Variants in OPCML observed in about 807,000 individuals in gnomAD.
OPCML encodes opioid binding protein/cell adhesion molecule like, also known as opioid-binding protein/cell adhesion molecule.
A neutral mutation model predicts 37.8 loss-of-function variants in OPCML; 13 were observed. The ratio of observed to expected loss-of-function variants is 0.34; its 90% CI spans 0.22 to 0.55. OPCML has a LOEUF of 0.55. Ranked by LOEUF, OPCML falls within the 20% of genes least tolerant of loss-of-function variation. The pLI, the probability that OPCML is intolerant of heterozygous loss-of-function variation, is 0.91. For missense variants in OPCML, 341 were observed against 435.6 expected, an observed-to-expected ratio of 0.78 and a Z score of 1.93; for synonymous variants, 176 against 168.8, an observed-to-expected ratio of 1.04 and a Z score of -0.33.
In OPCML at chr11:133,280,131, G is replaced by A. The variant is rs377333506; in HGVS notation, c.61+252133C>T. On this transcript the variant is annotated intron_variant, in intron 1 of 7. Transcript: ENST00000524381. ...TTCTCAATGAGTTTATAATCATCAG[G>A]CAAAATAGTTGTACCCTCCTAGATT... Among the ~76,000 whole-genome samples the A allele has an allele frequency of 3.3e-5, 5 of 152,260 alleles. 1 individual carries two copies. The highest frequency in any genetic ancestry group is 1.2e-4 in the African/African-American group (5 of 41,542).
chr11:133,285,272 G>T (rs1454398408), intron 1 of OPCML, among the ~76,000 whole-genome samples: 1 of 152,144 alleles, frequency 6.6e-6, no homozygotes, highest in Admixed American at 6.6e-5. Flanking sequence ...AGGCACGAAG[G>T]GTCACACGTG....
At chr11:133,093,670 A>T (rs991639422) in intron 1 of OPCML, among the ~76,000 whole-genome samples, 1 of 152,206 alleles carries the variant, frequency 6.6e-6, no homozygotes, top group Non-Finnish European at 1.5e-5. Flanking sequence ...GCTTAGAACA[A>T]TACAGGTTCA....
At chr11:133,367,302 G>T (rs979456965) in intron 1 of OPCML, among the ~76,000 whole-genome samples, 2 of 152,216 alleles carry the variant, frequency 1.3e-5, no homozygotes, top group Non-Finnish European at 2.9e-5. Flanking sequence ...GGCTCTTCAG[G>T]TCGCTAAAGA....
chr11:132,657,091 C>A lies in OPCML; in HGVS notation c.375G>T (p.Val125=), dbSNP rs1389258561. Residue 125 remains valine (V), a synonymous_variant, in exon 3 of 8, where the codon GTG becomes GTT. Transcript: ENST00000524381. ...CCAGATCCAGCTGGGACTTACCTTG[C>A]ACTATTAGGTGAACCCGGGACGTTT... is the stretch of plus-strand genomic sequence containing the variant. ...HPKTSRVHLI[V]QVPPQIMNIS... is the part of the protein sequence containing the mutation. 5 of 1,613,952 alleles carry A rather than the reference C, an allele frequency of 3.1e-6. No homozygotes were observed. Among genetic ancestry groups the A allele is most frequent in the Admixed American group, 3.3e-5 (2 of 60,030 alleles).
Position 132,943,881 on chromosome 11 carries a change from C to T in OPCML, c.62-871G>A, listed in dbSNP as rs1418972850. 2.0e-5 allele frequency: 3 copies of T among 151,504 alleles called. No individual in the cohort carries two copies. The highest frequency in any genetic ancestry group is 1.9e-4 in the East Asian group (1 of 5,144). The allele number at this position is 151,504 out of a possible 1,614,324, so 9.4% of individuals were successfully genotyped here. On this transcript the variant is annotated intron_variant, in intron 1 of 7. Coordinates refer to ENST00000524381, the MANE Select transcript of OPCML (RefSeq NM_001012393.5). This position sits in a 1 kb window ranked among gnomAD's most constrained non-coding sequence, Gnocchi z 4.3. ...ACGCTCAGCGGCCGCCCCCGGCCTC[C>T]GCGCCGCCTTCCTCCCGGGAGCAGC... is the stretch of plus-strand genomic sequence containing the variant.
intron 3 of OPCML, among the ~76,000 whole-genome samples, chr11:132,560,030 C>G (rs1268281410): frequency 6.6e-6 from 1 of 152,158 alleles, no homozygotes; most frequent in Admixed American, 6.5e-5. Flanking sequence ...TAGTCATTTC[C>G]CACAAATTAT....
chr11:133,431,015 A>C (rs1946104501), intron 1 of OPCML, among the ~76,000 whole-genome samples: 1 of 152,218 alleles, frequency 6.6e-6, no homozygotes, highest in South Asian at 2.1e-4. Context: ...ATTTTCATTA[A>C]GAATATGATA....
intron 7 of OPCML, among the ~76,000 whole-genome samples, chr11:132,433,839 G>C (rs1170499472): frequency 6.6e-6 from 1 of 152,220 alleles, no homozygotes; most frequent in Non-Finnish European, 1.5e-5. Context: ...AGCCCTCACA[G>C]GAACCACCTT....
intron 1 of OPCML, among the ~76,000 whole-genome samples, chr11:133,239,507 G>C (rs769756514): frequency 1.1e-4 from 17 of 152,214 alleles, no homozygotes; most frequent in Non-Finnish European, 2.1e-4. Flanking sequence ...CTGCAGCCAG[G>C]GCCTCAGCCC....
At chr11:133,166,786 T>C (rs1481124789) in intron 1 of OPCML, among the ~76,000 whole-genome samples, 2 of 152,196 alleles carry the variant, frequency 1.3e-5, no homozygotes, top group African/African-American at 4.8e-5. Flanking sequence ...TGAAACAGAT[T>C]AAACTCATTT....
Position 133,439,264 on chromosome 11 carries a change from C to T in OPCML, c.61+93000G>A, listed in dbSNP as rs974700932. ...CACAATTGAGTTGAAGCACTGGACT[C>T]CCTGTTGGTGTCCAGAGAGTAAAAG... On this transcript the variant is annotated intron_variant, in intron 1 of 7. Transcript: ENST00000524381. 4.1e-6 allele frequency: 4 copies of T among 983,146 alleles called. No individual in the cohort carries two copies. The African/African-American group carries it at 7.1e-5, about 17-fold the overall frequency. The allele number at this position is 983,146 out of a possible 1,614,324, so 60.9% of individuals were successfully genotyped here.
At chr11:133,217,353 T>C (rs1435649984) in intron 1 of OPCML, among the ~76,000 whole-genome samples, 1 of 152,244 alleles carries the variant, frequency 6.6e-6, no homozygotes, top group African/African-American at 2.4e-5. Context: ...CCCAGTGTTT[T>C]GTTCCCAGCC....
intron 1 of OPCML, among the ~76,000 whole-genome samples, chr11:133,159,191 A>G (rs990194325): frequency 2.6e-5 from 4 of 152,222 alleles, no homozygotes; most frequent in African/African-American, 9.6e-5. Flanking sequence ...ATCTGAAAAC[A>G]TGTTAGCCCA....
intron 2 of OPCML, among the ~76,000 whole-genome samples, chr11:132,863,430 T>C (rs1565919178): frequency 6.6e-6 from 1 of 152,200 alleles, no homozygotes; most frequent in Non-Finnish European, 1.5e-5. Context: ...TTTGAGTTGC[T>C]GGGTCTCAGC....
chr11:133,109,342 C>T (rs145744179), intron 1 of OPCML, among the ~76,000 whole-genome samples: 4 of 152,232 alleles, frequency 2.6e-5, no homozygotes, highest in South Asian at 2.1e-4. Context: ...AGTGGGTTAC[C>T]GCTGCTGGCT....
intron 1 of OPCML, among the ~76,000 whole-genome samples, chr11:133,435,117 A>T (rs1946206339): frequency 6.6e-6 from 1 of 152,036 alleles, no homozygotes; most frequent in Non-Finnish European, 1.5e-5. Context: ...TTCTGTATTT[A>T]TAGAATCATT....
chr11:133,327,139 A>T (rs1410097349), intron 1 of OPCML, among the ~76,000 whole-genome samples: 3 of 35,672 alleles, frequency 8.4e-5, no homozygotes, highest in African/African-American at 1.2e-4. Flanking sequence ...GGGGAGGGTG[A>T]GTGTGTGTAT....
chr11:133,106,109 A>T (rs1199316967), intron 1 of OPCML, among the ~76,000 whole-genome samples: 1 of 152,248 alleles, frequency 6.6e-6, no homozygotes, highest in Non-Finnish European at 1.5e-5. Context: ...GAACTATTAT[A>T]ATGTTTTAAA....
chr11:132,886,898 C>T (rs1282825182), intron 2 of OPCML, among the ~76,000 whole-genome samples: 3 of 152,156 alleles, frequency 2.0e-5, no homozygotes, highest in South Asian at 2.1e-4. Flanking sequence ...GTGCCCCGCT[C>T]GCAGAATGCC....
Sources: gnomAD v4.1 joint callset for allele counts (sites outside exome capture counted in the v4.1 genomes callset) on GRCh38, gnomAD v4.1.1 for gene constraint, Gnocchi (gnomAD v3.1) non-coding constraint, MANE v1.5 for transcripts, NCBI Gene and HGNC (gene_info 2026-07-23, HGNC 2026-07-21) for gene names.